Variants in TGIF2 observed in about 807,000 individuals in gnomAD.
The protein encoded by TGIF2 is TGFB induced factor homeobox 2.
In TGIF2, 5 loss-of-function variants were observed where a neutral mutation model predicts 15.1. The ratio of observed to expected loss-of-function variants is 0.33; its 90% CI spans 0.17 to 0.70. The LOEUF (loss-of-function observed/expected upper bound fraction) is 0.70. Among genes scored for constraint, TGIF2 ranks in the 30% least tolerant of loss-of-function variants. The pLI, the probability that TGIF2 is intolerant of heterozygous loss-of-function variation, is 0.67. For synonymous variants in TGIF2, 131 were observed against 128.9 expected (o/e 1.02, Z -0.11); for missense variants, 264 against 302.5 (o/e 0.87, Z 0.94).
chr20:36,573,492 G>A (rs999822172), upstream of TGIF2: 7 of 151,710 alleles, frequency 4.6e-5, no homozygotes, highest in East Asian at 1.2e-3. Context: ...CGCCCCGCGG[G>A]GGGTGGGCGC....
At chr20:36,585,749 A>T (rs1037843778) in intron 2 of TGIF2, among the ~76,000 whole-genome samples, 13 of 152,138 alleles carry the variant, frequency 8.5e-5, no homozygotes, top group African/African-American at 1.2e-4. Context: ...TCCCTTCGAC[A>T]TCCTCTAAGC....
rs2038482401 is a variant in TGIF2 at position 36,578,725 on chromosome 20, G to A, written c.-34-16G>A. The A allele has an allele frequency of 6.4e-7, 1 of 1,562,018 alleles. No homozygotes were observed. The highest frequency in any genetic ancestry group is 1.4e-5 in the African/African-American group (1 of 73,636). ...CGTGCTAATGATGTTCCCATCCCCT[G>A]TGTCCCTTGTCCCAGGTTTACCCAA... On this transcript the variant is annotated splice_polypyrimidine_tract_variant and intron_variant, in intron 1 of 2. Coordinates refer to ENST00000373872, the MANE Select transcript of TGIF2 (RefSeq NM_021809.7).
intron 2 of TGIF2, among the ~76,000 whole-genome samples, chr20:36,586,257 C>A (rs1341383686): frequency 1.3e-5 from 2 of 152,202 alleles, no homozygotes; most frequent in Admixed American, 6.5e-5. Flanking sequence ...CCTGCAAGGA[C>A]AAGTAACCAG....
chr20:36,586,657 T>C (rs138585437), intron 2 of TGIF2, among the ~76,000 whole-genome samples: 273 of 150,648 alleles, frequency 1.8e-3, no homozygotes, highest in South Asian at 4.2e-3. Context: ...ATCGCACCAT[T>C]GCACTCCAGC....
At chr20:36,574,563 C>G (rs867761149) in intron 1 of TGIF2, 3 of 152,260 alleles carry the variant, frequency 2.0e-5, no homozygotes, top group African/African-American at 7.2e-5. Flanking sequence ...CCCCGCGCCC[C>G]GAAGAGTCGG....
chr20:36,573,577 A>T (rs1166371966), upstream of TGIF2: 1 of 149,028 alleles, frequency 6.7e-6, no homozygotes, highest in African/African-American at 2.5e-5. Context: ...GCGCGGGGGG[A>T]GGAGAGGGGA....
At chr20:36,587,186 T>A (rs1171864737) in intron 2 of TGIF2, among the ~76,000 whole-genome samples, 3 of 152,174 alleles carry the variant, frequency 2.0e-5, no homozygotes, top group African/African-American at 7.2e-5. Context: ...CCCCCCGCGT[T>A]GCCTTGCCCA....
chr20:36,588,070 T>TAAAAA, intron 2 of TGIF2, among the ~76,000 whole-genome samples: 1 of 131,934 alleles, frequency 7.6e-6, no homozygotes, highest in Non-Finnish European at 1.7e-5. Context: ...ACCCTGTCTT[T>TAAAAA]AAAAAAAAAA....
intron 1 of TGIF2, among the ~76,000 whole-genome samples, chr20:36,574,187 G>A (rs575142095): frequency 6.6e-6 from 1 of 152,152 alleles, no homozygotes; most frequent in East Asian, 1.9e-4. Flanking sequence ...GCCGCGGGAA[G>A]GGCCCGGAGC....
At chr20:36,577,202 A>C (rs6028193) in intron 1 of TGIF2, among the ~76,000 whole-genome samples, 46 of 150,192 alleles carry the variant, frequency 3.1e-4, no homozygotes, top group African/African-American at 9.1e-4. Flanking sequence ...TTATTTTTTT[A>C]TTTTTTTCTT....
rs967688002 is a variant in TGIF2, at chr20:36,584,419, T to G, written c.192+5453T>G. On this transcript the variant is annotated intron_variant, in intron 2 of 2. Coordinates refer to ENST00000373872, the MANE Select transcript of TGIF2 (RefSeq NM_021809.7). Reference sequence around the variant, plus strand: ...AGGTGCTCAGTAAATAATGTTGAAGTGGCAGAAAAGGGCTATAAAGTGGTG... The same window carrying G: ...AGGTGCTCAGTAAATAATGTTGAAGGGGCAGAAAAGGGCTATAAAGTGGTG... Among the ~76,000 whole-genome samples the G allele has an allele frequency of 3.3e-5, 5 of 152,220 alleles. No individual in the cohort carries two copies. The East Asian group carries it at 9.6e-4, about 29-fold the overall frequency.
intron 2 of TGIF2, among the ~76,000 whole-genome samples, chr20:36,584,365 T>C (rs1301657753): frequency 1.3e-5 from 2 of 152,150 alleles, no homozygotes; most frequent in East Asian, 1.9e-4. Flanking sequence ...ACAGCCCTAG[T>C]GTAGCATAGT....
chr20:36,573,580 A>G (rs2038344210), upstream of TGIF2: 1 of 144,430 alleles, frequency 6.9e-6, no homozygotes, highest in Non-Finnish European at 1.5e-5. Context: ...CGGGGGGAGG[A>G]GAGGGGATCT....
At chr20:36,574,349 G>T (rs1326480997) in intron 1 of TGIF2, among the ~76,000 whole-genome samples, 1 of 151,496 alleles carries the variant, frequency 6.6e-6, no homozygotes, top group Non-Finnish European at 1.5e-5. Flanking sequence ...CGGGACCCTC[G>T]GGCAGGCCGA....
chr20:36,592,794 T>C lies in TGIF2; in HGVS notation c.*1363T>C, dbSNP rs1032856010. ...TCCTCCCTTTCCCCCATTTTTTCTT[T>C]TGCTGTTTTGTTTTTTGTTTTTTGT... On this transcript the variant is annotated 3_prime_UTR_variant, in exon 3 of 3. Transcript: ENST00000373872. 1.3e-5 allele frequency: 2 copies of C among 156,754 alleles called. No individual in the cohort carries two copies. The highest frequency in any genetic ancestry group is 1.9e-4 in the East Asian group (1 of 5,388). The allele number at this position is 156,754 out of a possible 1,614,324, so 9.7% of individuals were successfully genotyped here.
At chr20:36,573,942 G>A (rs2038355316) in intron 1 of TGIF2, among the ~76,000 whole-genome samples, 197 bp downstream of exon 1, 1 of 151,934 alleles carries the variant, frequency 6.6e-6, no homozygotes, top group Non-Finnish European at 1.5e-5. Flanking sequence ...TGCGCTCCGG[G>A]GGCCGGTGGG....
chr20:36,586,702 C>A (rs1486557286), intron 2 of TGIF2, among the ~76,000 whole-genome samples: 1 of 138,776 alleles, frequency 7.2e-6, no homozygotes, highest in East Asian at 2.0e-4. Flanking sequence ...TTCCCCCCCC[C>A]CAAAAAAAAA....
chr20:36,584,183 C>T (rs2038604767), intron 2 of TGIF2, among the ~76,000 whole-genome samples: 1 of 152,196 alleles, frequency 6.6e-6, no homozygotes, highest in African/African-American at 2.4e-5. Context: ...TGATCCACCT[C>T]CCCAGACCAT....
In TGIF2 at chr20:36,578,801, C is replaced by T. The variant is rs370918031; in HGVS notation, c.27C>T (p.Asp9=). MSDSDLGE[D]EGLLSLAGKR... ...TGTCGGACAGTGATCTAGGTGAGGACGAAGGCCTCCTCTCCCTGGCGGGCA... is the reference window on the plus strand; with the variant it reads ...TGTCGGACAGTGATCTAGGTGAGGATGAAGGCCTCCTCTCCCTGGCGGGCA... The change falls in exon 2 of 3, where the codon GAC becomes GAT. Residue 9 remains aspartate, a synonymous_variant. Transcript: ENST00000373872. 6.6e-5 allele frequency: 106 copies of T among 1,613,354 alleles called. No homozygotes were observed. The highest frequency in any genetic ancestry group is 8.5e-5 in the Non-Finnish European group (100 of 1,179,648).
Sources: allele counts gnomAD v4.1 joint callset (sites outside exome capture counted in the v4.1 genomes callset), GRCh38; gene constraint gnomAD v4.1.1; transcripts MANE v1.5; gene names NCBI Gene and HGNC (gene_info 2026-07-23, HGNC 2026-07-21).